The following NT5DC1 variants were observed in gnomAD, a reference collection of about 807,000 sequenced individuals.
NT5DC1 encodes the protein 5'-nucleotidase domain containing 1.
A neutral mutation model predicts 59.4 loss-of-function variants in NT5DC1; 42 were observed. The observed-to-expected ratio is 0.71, with a 90% CI of 0.55 to 0.92. The LOEUF is 0.92. Ranked by LOEUF, NT5DC1 falls within the 40% of genes least tolerant of loss-of-function variation. The pLI, the probability that NT5DC1 is intolerant of heterozygous loss-of-function variation, is 0.00. For synonymous variants in NT5DC1, 172 were observed against 188.1 expected (o/e 0.91, Z 0.70); for missense variants, 501 against 537.1 (o/e 0.93, Z 0.66).
intron 11 of NT5DC1, among the ~76,000 whole-genome samples, chr6:116,242,400 T>G (rs1771755444): frequency 6.6e-6 from 1 of 151,422 alleles, no homozygotes; most frequent in African/African-American, 2.4e-5. Flanking sequence ...TTATAAGAGA[T>G]ATATCTGAGA....
intron 6 of NT5DC1, among the ~76,000 whole-genome samples, chr6:116,161,669 G>C (rs536065888): frequency 3.7e-4 from 57 of 152,226 alleles, no homozygotes; most frequent in African/African-American, 1.3e-3. Context: ...TGTAATGCTT[G>C]CAAGTTTATT....
intron 8 of NT5DC1, among the ~76,000 whole-genome samples, chr6:116,236,658 A>G (rs1487292232): frequency 6.6e-6 from 1 of 152,082 alleles, no homozygotes; most frequent in Non-Finnish European, 1.5e-5. Context: ...CAGTAGGGGC[A>G]TGATGTCAAG....
In NT5DC1 at chr6:116,246,771, C is replaced by T. The variant is rs1488001609; in HGVS notation, c.*2747C>T. 6.6e-6 allele frequency: 1 copy of T among 152,122 alleles called. No individual in the cohort carries two copies. 9.4% of individuals were successfully genotyped at this position (152,122 alleles called of 1,614,324 possible). On this transcript the variant is annotated 3_prime_UTR_variant, in exon 12 of 12. Transcript: ENST00000319550. ...CTTTTATTAAAGCCATGAGGGCATACCAAGTAATTCACCCAGTATGGTCTT... is the reference window on the plus strand; with the variant it reads ...CTTTTATTAAAGCCATGAGGGCATATCAAGTAATTCACCCAGTATGGTCTT...
chr6:116,148,632 G>A (rs953233091), intron 6 of NT5DC1, among the ~76,000 whole-genome samples: 2 of 151,824 alleles, frequency 1.3e-5, no homozygotes, highest in African/African-American at 2.4e-5. Context: ...GGTTTTTTTT[G>A]GTTAAGAAAT....
At chr6:116,104,153 G>C (rs905378491) in intron 1 of NT5DC1, among the ~76,000 whole-genome samples, 1 of 152,152 alleles carries the variant, frequency 6.6e-6, no homozygotes, top group African/African-American at 2.4e-5. Context: ...GTACTCTAAG[G>C]ACAAACTGCA....
Position 116,245,324 on chromosome 6 carries a change from T to C in NT5DC1, c.*1300T>C, listed in dbSNP as rs1275215007. ...TTCACTATCTGGTTTACAAACACTATCATTATTTTACCTGGATTGAAGTGC... is the reference window on the plus strand; with the variant it reads ...TTCACTATCTGGTTTACAAACACTACCATTATTTTACCTGGATTGAAGTGC... On this transcript the variant is annotated 3_prime_UTR_variant, in exon 12 of 12. Transcript: ENST00000319550. 6.6e-6 allele frequency: 1 copy of C among 152,532 alleles called. No individual in the cohort carries two copies. The highest frequency in any genetic ancestry group is 1.5e-5 in the Non-Finnish European group (1 of 68,018). The allele number at this position is 152,532 out of a possible 1,614,324, so 9.4% of individuals were successfully genotyped here.
chr6:116,133,588 A>G (rs977233504), intron 6 of NT5DC1, among the ~76,000 whole-genome samples: 4 of 152,184 alleles, frequency 2.6e-5, no homozygotes, highest in African/African-American at 9.6e-5. Flanking sequence ...CAAAACGGAT[A>G]CTTATGCAGC....
intron 6 of NT5DC1, among the ~76,000 whole-genome samples, chr6:116,192,838 T>C (rs1001681637): frequency 6.6e-6 from 1 of 152,056 alleles, no homozygotes; most frequent in Non-Finnish European, 1.5e-5. Context: ...CCTCCTACTA[T>C]TGGAAGGTGT....
At position 116,244,833 on chromosome 6, in the gene NT5DC1, G is replaced by A. The variant is rs1189332418; in HGVS notation, c.*809G>A. 2.0e-5 allele frequency: 3 copies of A among 152,026 alleles called. No individual in the cohort carries two copies. The East Asian group carries it at 5.8e-4, about 29-fold the overall frequency. 9.4% of individuals were successfully genotyped at this position (152,026 alleles called of 1,614,324 possible). A position where few individuals can be genotyped will look rare whatever the true frequency, so the allele number is the denominator to read the frequency against. Reference sequence around the variant, plus strand: ...TCTCAACCTCCATTGTTACCCACTAGGTTTTTTTCTAATAATGTTAAAGGC... The same window carrying A: ...TCTCAACCTCCATTGTTACCCACTAAGTTTTTTTCTAATAATGTTAAAGGC... On this transcript the variant is annotated 3_prime_UTR_variant, in exon 12 of 12. Transcript: ENST00000319550.
At chr6:116,179,012 G>A (rs1387180892) in intron 6 of NT5DC1, among the ~76,000 whole-genome samples, 6 of 152,084 alleles carry the variant, frequency 3.9e-5, no homozygotes, top group Non-Finnish European at 5.9e-5. Flanking sequence ...TATACAAATG[G>A]TAATTTCTTG....
chr6:116,102,203 G>A (rs1280544126), intron 1 of NT5DC1, among the ~76,000 whole-genome samples: 1 of 152,144 alleles, frequency 6.6e-6, no homozygotes, highest in Admixed American at 6.5e-5. Flanking sequence ...CCAGGGTTGT[G>A]CCCCATTATG....
intron 6 of NT5DC1, among the ~76,000 whole-genome samples, chr6:116,208,880 A>G (rs1781514931): frequency 6.6e-6 from 1 of 152,012 alleles, no homozygotes. Context: ...CATAGAATAT[A>G]CTAATAGAGA....
intron 6 of NT5DC1, among the ~76,000 whole-genome samples, chr6:116,130,228 C>T (rs187031770): frequency 3.3e-5 from 5 of 152,260 alleles, no homozygotes; most frequent in African/African-American, 9.6e-5. Context: ...CCTTTACCAG[C>T]ATTTAGAACA....
intron 6 of NT5DC1, among the ~76,000 whole-genome samples, chr6:116,210,270 CT>C (rs1399316980): frequency 1.3e-5 from 2 of 151,664 alleles, no homozygotes; most frequent in Non-Finnish European, 2.9e-5. Flanking sequence ...CAAAAAGAAG[CT>C]AATTTGATTT....
intron 6 of NT5DC1, among the ~76,000 whole-genome samples, chr6:116,181,464 A>G (rs1456537102): frequency 6.6e-6 from 1 of 152,130 alleles, no homozygotes; most frequent in Non-Finnish European, 1.5e-5. Context: ...GCATCTGTTC[A>G]TAATAAAAAC....
At position 116,220,919 on chromosome 6, in the gene NT5DC1, T is replaced by G. The variant is rs767942995; in HGVS notation, c.530-135T>G. On this transcript the variant is annotated intron_variant, in intron 6 of 11. Transcript: ENST00000319550. Reference sequence around the variant, plus strand: ...TAAAAAGCAAGTAGTATTGGCATAATTGCTAGGTCGGTCAAACCTTGTTCT... The same window carrying G: ...TAAAAAGCAAGTAGTATTGGCATAAGTGCTAGGTCGGTCAAACCTTGTTCT... The G allele has an allele frequency of 1.4e-5, 8 of 555,040 alleles. No homozygotes were observed. In the South Asian group the frequency reaches 2.1e-4, roughly 15 times the overall value. 34.4% of individuals were successfully genotyped at this position (555,040 alleles called of 1,614,324 possible).
In NT5DC1 at chr6:116,151,030, G is replaced by A. The variant is rs567085825; in HGVS notation, c.529+33085G>A. ...AACAACTCTTTGTGGCATTTAAAAT[G>A]TTATCTCATTGATAGAAATCTTGAC... On this transcript the variant is annotated intron_variant, in intron 6 of 11. Coordinates refer to ENST00000319550, the MANE Select transcript of NT5DC1 (RefSeq NM_152729.3). Among the ~76,000 whole-genome samples, 5 of 152,280 alleles carry A rather than the reference G, an allele frequency of 3.3e-5. No individual in the cohort carries two copies. The East Asian group carries it at 7.7e-4, about 23-fold the overall frequency.
intron 6 of NT5DC1, among the ~76,000 whole-genome samples, chr6:116,210,804 T>TA (rs915831992): frequency 8.6e-5 from 13 of 151,682 alleles, no homozygotes; most frequent in South Asian, 4.2e-4. Flanking sequence ...GAAACACAGG[T>TA]AAAAAAAACT....
At chr6:116,207,817 G>A (rs1014428694) in intron 6 of NT5DC1, among the ~76,000 whole-genome samples, 4 of 151,848 alleles carry the variant, frequency 2.6e-5, no homozygotes, top group Non-Finnish European at 5.9e-5. Context: ...ATAAAGAGCC[G>A]CCCCAGGCTT....
Sources: gnomAD v4.1 joint callset for allele counts (sites outside exome capture counted in the v4.1 genomes callset) on GRCh38, gnomAD v4.1.1 for gene constraint, MANE v1.5 for transcripts, NCBI Gene and HGNC (gene_info 2026-07-23, HGNC 2026-07-21) for gene names.